The following SLC8A1 variants were observed in gnomAD, a reference collection of about 807,000 sequenced individuals.
The protein encoded by SLC8A1 is solute carrier family 8 member A1, also known as sodium/calcium exchanger 1.
Under a neutral mutation model 68.3 loss-of-function variants are expected in SLC8A1, and 18 were observed. That is an observed-to-expected ratio of 0.26 (90% CI 0.18 to 0.39). The LOEUF is 0.39. Ranked by LOEUF, SLC8A1 falls within the 10% of genes least tolerant of loss-of-function variation. The pLI is 1.00. For synonymous variants in SLC8A1, 475 were observed against 415.5 expected (o/e 1.14, Z -1.74); for missense variants, 985 against 1,156.7 (o/e 0.85, Z 2.15).
At position 40,151,226 on chromosome 2, in the gene SLC8A1, A is replaced by G. The variant is rs536741099; in HGVS notation, c.2161+9539T>C. 5.0e-4 allele frequency among the ~76,000 whole-genome samples: 76 copies of G among 152,168 alleles called. 1 individual carries two copies. Among genetic ancestry groups the G allele is most frequent in the African/African-American group, 1.5e-3 (61 of 41,510 alleles). On this transcript the variant is annotated intron_variant, in intron 6 of 7. Transcript: ENST00000406785. ...ATATGAAGTTTGACATAGAGAAAAC[A>G]AATGTCTCAAACTCCTTTTGAAACA...
chr2:40,419,110 T>C (rs1279582413), intron 2 of SLC8A1, among the ~76,000 whole-genome samples: 1 of 152,212 alleles, frequency 6.6e-6, no homozygotes, highest in East Asian at 1.9e-4. Context: ...GCAGAGGCTA[T>C]GTCTTAGGTA....
intron 2 of SLC8A1, among the ~76,000 whole-genome samples, chr2:40,412,596 C>T (rs953454286): frequency 3.3e-5 from 5 of 152,144 alleles, no homozygotes; most frequent in African/African-American, 1.2e-4. Flanking sequence ...CTAGAACATG[C>T]TTCTGAGGCA....
At chr2:40,180,879 TAAATA>T (rs146130383) in intron 2 of SLC8A1, among the ~76,000 whole-genome samples, 116,656 of 151,868 alleles carry the variant, frequency 0.77, 45,482 homozygotes, top group Middle Eastern at 0.84. Context: ...TATTCACAAA[TAAATA>T]AATCACCAAA....
At chr2:40,476,575 A>C (rs1290640095) in intron 1 of SLC8A1, among the ~76,000 whole-genome samples, 1 of 152,230 alleles carries the variant, frequency 6.6e-6, no homozygotes, top group African/African-American at 2.4e-5. Flanking sequence ...TTAATAAAGT[A>C]AGGGAGAGTC....
At chr2:40,353,787 G>A (rs774115654) in intron 2 of SLC8A1, among the ~76,000 whole-genome samples, 2 of 152,106 alleles carry the variant, frequency 1.3e-5, no homozygotes, top group Non-Finnish European at 2.9e-5. Flanking sequence ...CATCCACAAT[G>A]GCAGCGAAGC....
intron 2 of SLC8A1, among the ~76,000 whole-genome samples, chr2:40,393,013 T>C (rs1685814498): frequency 6.6e-6 from 1 of 152,098 alleles, no homozygotes; most frequent in Non-Finnish European, 1.5e-5. Context: ...GGAGAAATGT[T>C]GTCAAATCAA....
chr2:40,206,544 A>C (rs983304417), intron 2 of SLC8A1, among the ~76,000 whole-genome samples: 1 of 152,062 alleles, frequency 6.6e-6, no homozygotes, highest in Non-Finnish European at 1.5e-5. Context: ...TCATAACAAC[A>C]TATCTAGGCT....
chr2:40,124,285 G>A lies in SLC8A1; in HGVS notation c.2438-8656C>T, dbSNP rs201839218. On this transcript the variant is annotated intron_variant, in intron 7 of 7. Coordinates refer to ENST00000406785, the Ensembl canonical transcript of SLC8A1. Reference sequence around the variant, plus strand: ...AGTGTATGGATCTAGACAATACACCGAAGATGCCCAAAATGTGCCTTTCCC... The same window carrying A: ...AGTGTATGGATCTAGACAATACACCAAAGATGCCCAAAATGTGCCTTTCCC... Among the ~76,000 whole-genome samples, 48 of 152,282 alleles carry A rather than the reference G, an allele frequency of 3.2e-4. No individual in the cohort carries two copies. The East Asian group carries it at 6.9e-3, about 22-fold the overall frequency.
At chr2:40,122,952 T>A (rs1451709945) in intron 7 of SLC8A1, among the ~76,000 whole-genome samples, 3 of 152,116 alleles carry the variant, frequency 2.0e-5, no homozygotes, top group Admixed American at 1.3e-4. Flanking sequence ...TTTATTCTAA[T>A]TAAAGGAGAG....
At chr2:40,249,441 T>A (rs2062395565) in intron 2 of SLC8A1, among the ~76,000 whole-genome samples, 1 of 152,222 alleles carries the variant, frequency 6.6e-6, no homozygotes, top group Non-Finnish European at 1.5e-5. Flanking sequence ...GTACTTTCAT[T>A]TGCATAATTT....
intron 2 of SLC8A1, among the ~76,000 whole-genome samples, chr2:40,294,951 G>C (rs1362568534): frequency 2.6e-5 from 4 of 151,708 alleles, no homozygotes; most frequent in African/African-American, 9.7e-5. Context: ...GGTGACAAAA[G>C]GAACAGAAAA....
upstream of SLC8A1, among the ~76,000 whole-genome samples, chr2:40,454,337 G>T (rs529225470): frequency 6.6e-6 from 1 of 152,302 alleles, no homozygotes; most frequent in African/African-American, 2.4e-5. Context: ...TGTGGAAAGA[G>T]TGTAGCCTCT....
intron 1 of SLC8A1, among the ~76,000 whole-genome samples, chr2:40,497,241 A>G (rs1232872753): frequency 6.6e-6 from 1 of 151,942 alleles, no homozygotes; most frequent in Non-Finnish European, 1.5e-5. Flanking sequence ...CTAAGCATCC[A>G]TTTTCTTCTA....
At chr2:40,115,218 G>A (rs986378442) in exon 8 of SLC8A1, 2 of 1,355,466 alleles carry the variant, frequency 1.5e-6, no homozygotes, top group Non-Finnish European at 2.0e-6. Context: ...GTATATATAT[G>A]TATATATATA....
chr2:40,470,790 C>T (rs758146435), intron 1 of SLC8A1, among the ~76,000 whole-genome samples: 1 of 151,716 alleles, frequency 6.6e-6, no homozygotes, highest in Non-Finnish European at 1.5e-5. Context: ...TCACAATTAA[C>T]AATAAAAATA....
intron 2 of SLC8A1, among the ~76,000 whole-genome samples, chr2:40,252,286 G>A (rs562273799): frequency 3.4e-4 from 51 of 152,106 alleles, no homozygotes; most frequent in African/African-American, 1.2e-3. Context: ...AGCTCTTTCT[G>A]CATTTGCAAA....
chr2:40,247,319 G>A (rs1238598296), intron 2 of SLC8A1, among the ~76,000 whole-genome samples: 1 of 152,148 alleles, frequency 6.6e-6, no homozygotes, highest in African/African-American at 2.4e-5. Context: ...CAGGCTCTAG[G>A]TTAAGCCAAA....
chr2:40,408,903 G>A (rs573827550), intron 2 of SLC8A1, among the ~76,000 whole-genome samples: 11 of 151,564 alleles, frequency 7.3e-5, no homozygotes, highest in Non-Finnish European at 1.2e-4. Flanking sequence ...ATAGCCATAA[G>A]AACCATAGAA....
intron 2 of SLC8A1, among the ~76,000 whole-genome samples, chr2:40,416,490 TTACTC>T (rs1386734396): frequency 5.9e-5 from 9 of 152,296 alleles, no homozygotes; most frequent in Non-Finnish European, 1.0e-4. Context: ...TCCTCACACT[TTACTC>T]TAAATCTTAT....
Sources: allele counts gnomAD v4.1 joint callset (sites outside exome capture counted in the v4.1 genomes callset), GRCh38; gene constraint gnomAD v4.1.1; transcripts MANE v1.5; gene names NCBI Gene and HGNC (gene_info 2026-07-23, HGNC 2026-07-21).